Variants in SLC30A10 observed in about 807,000 individuals in gnomAD.
The protein encoded by SLC30A10 is solute carrier family 30 member 10.
In SLC30A10, 8 loss-of-function variants were observed where a neutral mutation model predicts 21.7. That is an observed-to-expected ratio of 0.37 (90% CI 0.22 to 0.67). The LOEUF (loss-of-function observed/expected upper bound fraction) is 0.67, where lower values mean the gene tolerates loss of function less well. Among genes scored for constraint, SLC30A10 ranks in the 30% least tolerant of loss-of-function variants. The pLI is 0.58. For missense variants in SLC30A10, 521 were observed against 642.5 expected (o/e 0.81, Z 2.04); for synonymous variants, 272 against 279.4 (o/e 0.97, Z 0.26).
At chr1:219,953,643 T>A (rs1026730230) in intron 1 of SLC30A10, among the ~76,000 whole-genome samples, 4 of 151,310 alleles carry the variant, frequency 2.6e-5, no homozygotes, top group African/African-American at 9.7e-5. Context: ...AAAAGCTACC[T>A]TCAATTATGC....
At chr1:219,934,818 A>G (rs1660025276) in intron 1 of SLC30A10, among the ~76,000 whole-genome samples, 1 of 152,200 alleles carries the variant, frequency 6.6e-6, no homozygotes, top group Non-Finnish European at 1.5e-5. Context: ...TCATCTTGTC[A>G]TTATTGACAC....
intron 3 of SLC30A10, among the ~76,000 whole-genome samples, chr1:219,916,495 A>C (rs1368498112): frequency 6.6e-6 from 1 of 152,250 alleles, no homozygotes; most frequent in Non-Finnish European, 1.5e-5. Flanking sequence ...TAAGGATATG[A>C]GAAAATGTAC....
At chr1:219,938,381 C>G (rs1660074622) in intron 1 of SLC30A10, among the ~76,000 whole-genome samples, 1 of 152,226 alleles carries the variant, frequency 6.6e-6, no homozygotes, top group Non-Finnish European at 1.5e-5. Flanking sequence ...ACTCCCCTGA[C>G]TTTTCCCAGA....
In SLC30A10 at chr1:219,951,447, C is replaced by A. The variant is rs193231155; in HGVS notation, n.80+7121G>T. ...TAGAAACAGGGACTTGGGGGCCGGGCGCGGTGGCTCACGCCTGTAATCCCA... is the reference window on the plus strand; with the variant it reads ...TAGAAACAGGGACTTGGGGGCCGGGAGCGGTGGCTCACGCCTGTAATCCCA... On this transcript the variant is annotated intron_variant and non_coding_transcript_variant, in intron 1 of 8. Transcript: ENST00000484239. Among the ~76,000 whole-genome samples the A allele has an allele frequency of 3.8e-3, 576 of 151,744 alleles. 2 individuals carry two copies. Among genetic ancestry groups the A allele is most frequent in the Non-Finnish European group, 6.5e-3 (441 of 67,904 alleles).
chr1:219,936,291 A>T (rs1206013091), intron 1 of SLC30A10, among the ~76,000 whole-genome samples: 1 of 152,224 alleles, frequency 6.6e-6, no homozygotes, highest in African/African-American at 2.4e-5. Context: ...GTACAAATAT[A>T]TAGAAAAATA....
rs59792236 is a variant in SLC30A10 at position 219,912,170 on chromosome 1, CAA to C, written c.*3277_*3278del. Among the ~76,000 whole-genome samples, 1,552 of 74,456 alleles carry C rather than the reference CAA, an allele frequency of 0.021. 8 individuals are homozygous for C. Among genetic ancestry groups the C allele is most frequent in the African/African-American group, 0.076 (1,372 of 18,082 alleles). 48.8% of individuals were successfully genotyped at this position (74,456 alleles called of 152,430 possible). A position where few individuals can be genotyped will look rare whatever the true frequency, so the allele number is the denominator to read the frequency against. On this transcript the variant is annotated 3_prime_UTR_variant, in exon 4 of 4. Coordinates refer to ENST00000366926, the MANE Select transcript of SLC30A10 (RefSeq NM_018713.3). ...CCACTGGAATTTGCTCTACCAATGG[CAA>C]AAAAAAAAAAAAAAAAAAAAAAAAG...
intron 1 of SLC30A10, among the ~76,000 whole-genome samples, chr1:219,956,610 C>T (rs1008634580): frequency 6.7e-6 from 1 of 149,396 alleles, no homozygotes; most frequent in African/African-American, 2.5e-5. Context: ...CTCAAGAGTT[C>T]GAGACCAGCC....
At chr1:219,952,093 G>A (rs1660280257) in intron 1 of SLC30A10, among the ~76,000 whole-genome samples, 1 of 152,080 alleles carries the variant, frequency 6.6e-6, no homozygotes, top group African/African-American at 2.4e-5. Context: ...TTGTGGATGT[G>A]AAATAGAGCA....
At chr1:219,925,478 G>T (rs183412623) in intron 2 of SLC30A10, among the ~76,000 whole-genome samples, 1 of 150,978 alleles carries the variant, frequency 6.6e-6, no homozygotes, top group East Asian at 2.0e-4. Flanking sequence ...AGGTTGCAGT[G>T]AGCAGAGATG....
intron 1 of SLC30A10, among the ~76,000 whole-genome samples, chr1:219,956,738 G>C (rs979690976): frequency 2.0e-4 from 30 of 151,212 alleles, no homozygotes; most frequent in African/African-American, 7.3e-4. Flanking sequence ...TAAGCCTCTT[G>C]TTATCTCAGC....
At position 219,927,925 on chromosome 1, in the gene SLC30A10, G is replaced by A. The variant is rs539271108; in HGVS notation, c.516C>T (p.Gly172=). 1.3e-6 allele frequency: 2 copies of A among 1,536,976 alleles called. No homozygotes were observed. Among genetic ancestry groups the A allele is most frequent in the Non-Finnish European group, 1.8e-6 (2 of 1,141,674 alleles). Residue 172 remains glycine (G), a synonymous_variant, in exon 1 of 4, where the codon GGC becomes GGT. Transcript: ENST00000366926. ...CVPGAFGGPQ[G]AEDPRRAADP... ...CCGCCGCGCGCCGCGGGTCCTCCGC[G>A]CCCTGAGGCCCCCCGAAAGCGCCGG...
chr1:219,945,023 G>T (rs75315957), intron 1 of SLC30A10, among the ~76,000 whole-genome samples: 3,085 of 152,098 alleles, frequency 0.02, 83 homozygotes, highest in East Asian at 0.087. Context: ...CATGCAACAA[G>T]TCAAATTAAT....
At chr1:219,959,056 G>C (rs1407008368), upstream of SLC30A10, among the ~76,000 whole-genome samples, 1 of 152,182 alleles carries the variant, frequency 6.6e-6, no homozygotes, top group Non-Finnish European at 1.5e-5. Flanking sequence ...TCCCTTTCTT[G>C]GGAAGGCTGA....
chr1:219,926,974 C>A, intron 2 of SLC30A10, 54 bp downstream of exon 2: 1 of 1,384,514 alleles, frequency 7.2e-7, no homozygotes, highest in Admixed American at 1.8e-5. Flanking sequence ...ATAAACAACA[C>A]AGTCCATGTG....
Position 219,911,149 on chromosome 1 carries a change from G to GTTTTTTTTTTTTTTTTTTTTTTTTTT in SLC30A10, c.*4299_*4300insAAAAAAAAAAAAAAAAAAAAAAAAAA. ...ATGTTTCTTCATTTTTTCTACATCA[G>GTTTTTTTTTTTTTTTTTTTTTTTTTT]TTTTTTTTTTTTTTTTTTTTTTTTT... is the stretch of plus-strand genomic sequence containing the variant. On this transcript the variant is annotated 3_prime_UTR_variant, in exon 4 of 4. Transcript: ENST00000366926. Among the ~76,000 whole-genome samples the GTTTTTTTTTTTTTTTTTTTTTTTTTT allele has an allele frequency of 8.7e-4, 43 of 49,406 alleles. 4 individuals carry two copies. The highest frequency in any genetic ancestry group is 3.4e-3 in the East Asian group (4 of 1,184). 32.4% of individuals were successfully genotyped at this position (49,406 alleles called of 152,430 possible).
intron 2 of SLC30A10, among the ~76,000 whole-genome samples, chr1:219,926,278 C>T (rs1223114990): frequency 1.3e-5 from 2 of 152,198 alleles, no homozygotes; most frequent in African/African-American, 4.8e-5. Flanking sequence ...TACAGGCTTT[C>T]CCCAAACCAC....
intron 2 of SLC30A10, among the ~76,000 whole-genome samples, chr1:219,924,512 T>C (rs1035626275): frequency 2.0e-5 from 3 of 152,090 alleles, no homozygotes; most frequent in Admixed American, 2.0e-4. Context: ...GGCTCCAAGA[T>C]AAGAACACAG....
chr1:219,922,176 GTTTTTTTTTTTTTTTTTTT>G (rs869249213), intron 2 of SLC30A10, among the ~76,000 whole-genome samples: 24 of 36,452 alleles, frequency 6.6e-4, no homozygotes, highest in African/African-American at 2.2e-3. Context: ...GTGTGTGTGT[GTTTTTTTTTTTTTTTTTTT>G]TTTTTTTTTT....
upstream of SLC30A10, among the ~76,000 whole-genome samples, chr1:219,932,835 G>A (rs1357426307): frequency 1.3e-5 from 2 of 151,194 alleles, no homozygotes; most frequent in Admixed American, 6.6e-5. Flanking sequence ...GCTGAGGTGG[G>A]CGCATCACCT....
Sources: allele counts gnomAD v4.1 joint callset (sites outside exome capture counted in the v4.1 genomes callset), GRCh38; gene constraint gnomAD v4.1.1; transcripts MANE v1.5; gene names NCBI Gene and HGNC (gene_info 2026-07-23, HGNC 2026-07-21).